Variants in CHCHD3 observed in about 807,000 individuals in gnomAD.
CHCHD3 encodes the protein MICOS complex subunit MIC19.
A neutral mutation model predicts 38.2 loss-of-function variants in CHCHD3; 20 were observed. That is an observed-to-expected ratio of 0.52 (90% CI 0.37 to 0.76). The LOEUF (loss-of-function observed/expected upper bound fraction) is 0.76, where lower values mean the gene tolerates loss of function less well. CHCHD3 is among the 30% of genes least tolerant of loss of function. The probability of loss-of-function intolerance (pLI) is 0.00; values close to 1 mark genes in which losing one functional copy is unlikely to be tolerated. For synonymous variants in CHCHD3, 82 were observed against 100.0 expected, an observed-to-expected ratio of 0.82 and a Z score of 1.07; for missense variants, 245 against 279.2, an observed-to-expected ratio of 0.88 and a Z score of 0.87.
At chr7:133,072,085 A>G (rs6947389) in intron 1 of CHCHD3, among the ~76,000 whole-genome samples, 146,529 of 151,748 alleles carry the variant, frequency 0.97, 70,974 homozygotes, top group Middle Eastern at 1. Flanking sequence ...AGGGAGGATC[A>G]CTTGAGCCCA....
At chr7:132,898,765 A>G (rs1395547375) in intron 4 of CHCHD3, among the ~76,000 whole-genome samples, 1 of 152,228 alleles carries the variant, frequency 6.6e-6, no homozygotes, top group Non-Finnish European at 1.5e-5. Flanking sequence ...GAAGGCAGCT[A>G]AGGCCCGGCG....
intron 3 of CHCHD3, among the ~76,000 whole-genome samples, chr7:132,999,927 A>G (rs1389285162): frequency 6.6e-6 from 1 of 152,198 alleles, no homozygotes; most frequent in Non-Finnish European, 1.5e-5. Flanking sequence ...AACATTATAC[A>G]AAGCATTATG....
chr7:132,964,073 A>C (rs1026080165), intron 4 of CHCHD3, among the ~76,000 whole-genome samples: 8 of 152,200 alleles, frequency 5.3e-5, no homozygotes, highest in Admixed American at 5.2e-4. Context: ...TAAATTTCTC[A>C]TAAAATTCAA....
intron 4 of CHCHD3, among the ~76,000 whole-genome samples, chr7:132,967,609 G>A (rs1811499611): frequency 6.7e-6 from 1 of 149,860 alleles, no homozygotes. Context: ...TGGGCAACGT[G>A]GCAAAATGCT....
At chr7:133,077,075 G>A (rs775463231) in intron 1 of CHCHD3, among the ~76,000 whole-genome samples, 2 of 152,092 alleles carry the variant, frequency 1.3e-5, no homozygotes, top group Non-Finnish European at 2.9e-5. Context: ...AGAGAAAGGG[G>A]GAGAGGGAAC....
rs868662471 is a variant in CHCHD3, at chr7:132,982,739, T to C, written c.252-7453A>G. On this transcript the variant is annotated intron_variant, in intron 3 of 7. Coordinates refer to ENST00000262570, the MANE Select transcript of CHCHD3 (RefSeq NM_017812.4). ...ATCAATTATATTTCGGATGAAAAGC[T>C]GAGGCACAGAGAAATTATGTAAAAT... Among the ~76,000 whole-genome samples the C allele has an allele frequency of 2.6e-5, 4 of 152,330 alleles. No homozygotes were observed. In the Middle Eastern group the frequency reaches 0.01, roughly 389 times the overall value.
chr7:133,059,660 TC>T, intron 2 of CHCHD3, among the ~76,000 whole-genome samples: 1 of 152,282 alleles, frequency 6.6e-6, no homozygotes, highest in South Asian at 2.1e-4. Context: ...AGAAAGTGCC[TC>T]TTCCAAAAGG....
At chr7:133,039,083 T>C (rs1813757496) in intron 2 of CHCHD3, among the ~76,000 whole-genome samples, 1 of 152,220 alleles carries the variant, frequency 6.6e-6, no homozygotes, top group African/African-American at 2.4e-5. Flanking sequence ...TTTGTGGACT[T>C]TAGTGTCTCT....
At chr7:133,069,163 C>T (rs1814751334) in intron 2 of CHCHD3, among the ~76,000 whole-genome samples, 1 of 152,090 alleles carries the variant, frequency 6.6e-6, no homozygotes, top group South Asian at 2.1e-4. Context: ...TTCTATCTAG[C>T]GTTAATTAAC....
In CHCHD3 at chr7:133,035,390, C is replaced by T; in HGVS notation, c.170-10763G>A. 1 of 1,613,478 alleles carries T rather than the reference C, an allele frequency of 6.2e-7. No individual in the cohort carries two copies. Among genetic ancestry groups the T allele is most frequent in the South Asian group, 1.1e-5 (1 of 91,056 alleles). On this transcript the variant is annotated intron_variant, in intron 2 of 7. Coordinates refer to ENST00000262570, the MANE Select transcript of CHCHD3 (RefSeq NM_017812.4). This position sits in a 1 kb window ranked among gnomAD's most constrained non-coding sequence, Gnocchi z 4.7. ...TGCGAAAGGCCCGGCGGAAAGAAGG[C>T]TCTAGAACCTGCTTATAGAGCCACA...
chr7:132,910,727 C>T (rs144101362), intron 4 of CHCHD3, among the ~76,000 whole-genome samples: 140 of 152,296 alleles, frequency 9.2e-4, no homozygotes, highest in African/African-American at 3.3e-3. Flanking sequence ...CAATTATATG[C>T]TTCTAAGACA....
rs569873766 is a variant in CHCHD3, at chr7:132,972,553, A to C, written c.369+2616T>G. 2.9e-4 allele frequency: 282 copies of C among 977,700 alleles called. No individual in the cohort carries two copies. In the African/African-American group the frequency reaches 4.8e-3, roughly 17 times the overall value. The allele number at this position is 977,700 out of a possible 1,614,324, so 60.6% of individuals were successfully genotyped here. Reference sequence around the variant, plus strand: ...AATGAATATGTATGTCTTCCATAATAATAAATAACAACAATAAAGGGAGAA... The same window carrying C: ...AATGAATATGTATGTCTTCCATAATCATAAATAACAACAATAAAGGGAGAA... On this transcript the variant is annotated intron_variant, in intron 4 of 7. Transcript: ENST00000262570.
At chr7:132,921,925 AGAG>A (rs1310320602) in intron 4 of CHCHD3, among the ~76,000 whole-genome samples, 2 of 152,206 alleles carry the variant, frequency 1.3e-5, no homozygotes, top group African/African-American at 2.4e-5. Flanking sequence ...ATCTCTATTC[AGAG>A]GAGGAAAGAA....
At chr7:133,029,422 A>T (rs1813440958) in intron 2 of CHCHD3, among the ~76,000 whole-genome samples, 1 of 152,184 alleles carries the variant, frequency 6.6e-6, no homozygotes, top group African/African-American at 2.4e-5. Context: ...TCCCCTGGTA[A>T]TCACTCTTTT....
intron 1 of CHCHD3, among the ~76,000 whole-genome samples, chr7:133,072,295 G>A (rs1016318471): frequency 6.6e-6 from 1 of 151,784 alleles, no homozygotes; most frequent in African/African-American, 2.4e-5. Flanking sequence ...TAATCCAGGG[G>A]AGAACACACT....
At chr7:132,882,039 T>A (rs1428525057) in intron 5 of CHCHD3, among the ~76,000 whole-genome samples, 1 of 152,160 alleles carries the variant, frequency 6.6e-6, no homozygotes, top group Non-Finnish European at 1.5e-5. Flanking sequence ...TGAATAATAT[T>A]AATTCTATGA....
At chr7:133,010,299 T>G (rs1361127133) in intron 3 of CHCHD3, among the ~76,000 whole-genome samples, 1 of 152,080 alleles carries the variant, frequency 6.6e-6, no homozygotes, top group African/African-American at 2.4e-5. Context: ...GAGCATCATC[T>G]TATAGGCCAC....
chr7:133,019,457 T>C (rs1224343813), intron 3 of CHCHD3, among the ~76,000 whole-genome samples: 17 of 152,130 alleles, frequency 1.1e-4, no homozygotes, highest in Non-Finnish European at 2.1e-4. Context: ...ATATCAACAA[T>C]GCTATCAATG....
intron 5 of CHCHD3, among the ~76,000 whole-genome samples, chr7:132,864,500 G>A (rs1808568290): frequency 6.6e-6 from 1 of 152,176 alleles, no homozygotes; most frequent in East Asian, 1.9e-4. Flanking sequence ...CTACCAAAAT[G>A]TGGCACAGAG....
Sources: allele counts gnomAD v4.1 joint callset (sites outside exome capture counted in the v4.1 genomes callset), GRCh38; gene constraint gnomAD v4.1.1; non-coding constraint Gnocchi (gnomAD v3.1); transcripts MANE v1.5; gene names NCBI Gene and HGNC (gene_info 2026-07-23, HGNC 2026-07-21).